The following A1CF variants were observed in gnomAD, a reference collection of about 807,000 sequenced individuals.
The protein encoded by A1CF is APOBEC1 complementation factor, also known as APOBEC-1 stimulating protein.
In A1CF, 48 loss-of-function variants were observed where a neutral mutation model predicts 68.9. That is an observed-to-expected ratio of 0.70 (90% confidence interval 0.55 to 0.89). The LOEUF (loss-of-function observed/expected upper bound fraction) is 0.89. A1CF is among the 40% of genes least tolerant of loss of function. The probability of loss-of-function intolerance (pLI) is 0.00; values close to 1 mark genes in which losing one functional copy is unlikely to be tolerated. For missense variants in A1CF, 653 were observed against 718.9 expected (o/e 0.91, Z 1.05); for synonymous variants, 272 against 260.4 (o/e 1.04, Z -0.43).
intron 6 of A1CF, chr10:50,828,607 G>T (rs551159975): frequency 4.4e-6 from 1 of 226,562 alleles, no homozygotes; most frequent in Admixed American, 5.4e-5. Flanking sequence ...TTGGGTGAAG[G>T]TAGTCACTTA....
rs114290192 is a variant in A1CF, at chr10:50,867,901, C to T, written c.-93-3821G>A. 5.5e-3 allele frequency among the ~76,000 whole-genome samples: 840 copies of T among 152,226 alleles called. 6 individuals carry two copies. The highest frequency in any genetic ancestry group is 0.019 in the African/African-American group (784 of 41,538). ...ATTCTGTTAATAGTATGTTTACTAT[C>T]TTGATTTGATTTTTCGGAAGAAATT... On this transcript the variant is annotated intron_variant, in intron 1 of 12. Coordinates refer to ENST00000373997, the MANE Select transcript of A1CF (RefSeq NM_014576.4).
chr10:50,811,257 ATTTTC>A, intron 10 of A1CF, 81 bp from the exon 11 acceptor site: 2 of 1,412,112 alleles, frequency 1.4e-6, no homozygotes, highest in Non-Finnish European at 1.9e-6. Flanking sequence ...TTAAACTCTA[ATTTTC>A]AGAGTTCAAG....
chr10:50,807,000 T>C (rs1837864166), intron 12 of A1CF, 120 bp from the exon 13 acceptor site: 1 of 1,025,816 alleles, frequency 9.7e-7, no homozygotes, highest in South Asian at 1.8e-5. Context: ...AAAGTTAATA[T>C]ATATGTTTTA....
intron 1 of A1CF, among the ~76,000 whole-genome samples, chr10:50,871,417 T>A (rs2132581692): frequency 6.6e-6 from 1 of 152,062 alleles, no homozygotes; most frequent in Admixed American, 6.5e-5. Flanking sequence ...GATGTAAAAA[T>A]ATCAGTTTTT....
chr10:50,830,734 A>G (rs1839197569), intron 6 of A1CF, among the ~76,000 whole-genome samples: 1 of 152,154 alleles, frequency 6.6e-6, no homozygotes, highest in African/African-American at 2.4e-5. Flanking sequence ...TCGAAATTCC[A>G]GTGATGTTTT....
chr10:50,865,431 C>A (rs1284756371), intron 1 of A1CF, among the ~76,000 whole-genome samples: 1 of 152,038 alleles, frequency 6.6e-6, no homozygotes, highest in Non-Finnish European at 1.5e-5. Flanking sequence ...AAAATGGTTT[C>A]TGGAATTTAA....
intron 8 of A1CF, among the ~76,000 whole-genome samples, chr10:50,817,064 A>C (rs1838407101): frequency 6.6e-6 from 1 of 152,224 alleles, no homozygotes; most frequent in South Asian, 2.1e-4. Flanking sequence ...AAATTCTGAG[A>C]CTGCAAACAG....
At chr10:50,860,399 GA>G (rs1330627671) in intron 2 of A1CF, among the ~76,000 whole-genome samples, 2 of 152,216 alleles carry the variant, frequency 1.3e-5, no homozygotes, top group African/African-American at 4.8e-5. Flanking sequence ...CTCAGAGATT[GA>G]GTTTTAGTCT....
Position 50,836,279 on chromosome 10 carries a change from C to T in A1CF, c.399G>A (p.Val133=). 1 of 1,613,872 alleles carries T rather than the reference C, an allele frequency of 6.2e-7. No homozygotes were observed. The highest frequency in any genetic ancestry group is 2.2e-5 in the East Asian group (1 of 44,840). Residue 133 remains valine, a synonymous_variant, in exon 6 of 13, where the codon GTG becomes GTA. Transcript: ENST00000373997. The part of the protein sequence containing the change: ...NGRLLGVCAS[V]DNCRLFVGGI... ...CCCCAACAAATAATCGGCAGTTGTC[C>T]ACACTGGCACAAACCCCTAAGAGGC...
intron 1 of A1CF, among the ~76,000 whole-genome samples, chr10:50,879,660 A>G (rs1017444249): frequency 6.6e-6 from 1 of 152,184 alleles, no homozygotes; most frequent in Non-Finnish European, 1.5e-5. Context: ...ACCAGGTCTC[A>G]TGAGAATTCA....
chr10:50,828,163 A>T lies in A1CF; in HGVS notation c.737T>A (p.Met246Lys). ...GATATTGTTGAATTCCTTTTCAATC[A>T]TCTCTTCAGAGGTAGACAGCATAAG... Reference protein sequence around the residue: ...RNLMLSTSEEMIEKEFNNIKP... With the variant: ...RNLMLSTSEEKIEKEFNNIKP... Residue 246 changes from methionine to lysine, a missense_variant, in exon 7 of 13, where the codon ATG becomes AAG. Met to Lys is a moderately conservative substitution (Grantham distance 95). Coordinates refer to ENST00000373997, the MANE Select transcript of A1CF (RefSeq NM_014576.4). The T allele has an allele frequency of 6.3e-7, 1 of 1,591,464 alleles. No homozygotes were observed. The highest frequency in any genetic ancestry group is 8.6e-7 in the Non-Finnish European group (1 of 1,165,052).
At position 50,800,048 on chromosome 10, in the gene A1CF, A is replaced by G. The variant is rs1162315452; in HGVS notation, c.*6681T>C. On this transcript the variant is annotated 3_prime_UTR_variant, in exon 13 of 13. Coordinates refer to ENST00000373997, the MANE Select transcript of A1CF (RefSeq NM_014576.4). ...ATAAAATTTACATTTGTAAAAAGGT[A>G]TATATACTTTATTGCAAAGAAAGGC... is the stretch of plus-strand genomic sequence containing the variant. 2 of 152,160 alleles carry G rather than the reference A, an allele frequency of 1.3e-5. No individual in the cohort carries two copies. The highest frequency in any genetic ancestry group is 3.8e-4 in the East Asian group (2 of 5,196). The allele number at this position is 152,160 out of a possible 1,614,324, so 9.4% of individuals were successfully genotyped here.
rs141679552 is a variant in A1CF, at chr10:50,804,262, G to A, written c.*2467C>T. Reference sequence around the variant, plus strand: ...TACTTTGGTATTATTGTATGTTTAGGTGTCTGCTCTTAATATTGTAAACAA... The same window carrying A: ...TACTTTGGTATTATTGTATGTTTAGATGTCTGCTCTTAATATTGTAAACAA... On this transcript the variant is annotated 3_prime_UTR_variant, in exon 13 of 13. Coordinates refer to ENST00000373997, the MANE Select transcript of A1CF (RefSeq NM_014576.4). The A allele has an allele frequency of 6.6e-6, 1 of 152,232 alleles. No homozygotes were observed. The highest frequency in any genetic ancestry group is 1.9e-4 in the East Asian group (1 of 5,190). 9.4% of individuals were successfully genotyped at this position (152,232 alleles called of 1,614,324 possible). A position where few individuals can be genotyped will look rare whatever the true frequency, so the allele number is the denominator to read the frequency against.
chr10:50,833,739 A>T (rs1263027038), intron 6 of A1CF, among the ~76,000 whole-genome samples: 1 of 152,152 alleles, frequency 6.6e-6, no homozygotes, highest in Non-Finnish European at 1.5e-5. Context: ...AGTGATCCAA[A>T]TGGGTGATAG....
At position 50,802,754 on chromosome 10, in the gene A1CF, A is replaced by T. The variant is rs1046209099; in HGVS notation, c.*3975T>A. 1.3e-5 allele frequency: 2 copies of T among 152,188 alleles called. No individual in the cohort carries two copies. The highest frequency in any genetic ancestry group is 2.9e-5 in the Non-Finnish European group (2 of 68,030). 9.4% of individuals were successfully genotyped at this position (152,188 alleles called of 1,614,324 possible). A position where few individuals can be genotyped will look rare whatever the true frequency, so the allele number is the denominator to read the frequency against. Reference sequence around the variant, plus strand: ...TAGAATGCAATGAAAATTTACCCCGAATATTAACTTGATTGCCCTTTATTC... The same window carrying T: ...TAGAATGCAATGAAAATTTACCCCGTATATTAACTTGATTGCCCTTTATTC... On this transcript the variant is annotated 3_prime_UTR_variant, in exon 13 of 13. Transcript: ENST00000373997.
At chr10:50,821,016 T>G (rs1838635501) in intron 7 of A1CF, among the ~76,000 whole-genome samples, 1 of 152,166 alleles carries the variant, frequency 6.6e-6, no homozygotes, top group South Asian at 2.1e-4. Flanking sequence ...AAACATATAT[T>G]TAGGTGATTA....
chr10:50,823,446 T>A (rs1838769467), intron 7 of A1CF: 1 of 152,126 alleles, frequency 6.6e-6, no homozygotes, highest in African/African-American at 2.4e-5. Flanking sequence ...TATTGCTGTG[T>A]TTCTTATCAA....
At chr10:50,844,708 A>G (rs149245723) in intron 3 of A1CF, among the ~76,000 whole-genome samples, 194 of 152,310 alleles carry the variant, frequency 1.3e-3, no homozygotes, top group African/African-American at 4.5e-3. Context: ...GTTGTGGAAA[A>G]AACACAGTGA....
At chr10:50,861,994 A>G (rs1468591334) in intron 2 of A1CF, among the ~76,000 whole-genome samples, 13 of 151,376 alleles carry the variant, frequency 8.6e-5, no homozygotes, top group Admixed American at 7.9e-4. Flanking sequence ...TACTATTAGT[A>G]ATAGCAATGG....
Sources: gnomAD v4.1 joint callset for allele counts (sites outside exome capture counted in the v4.1 genomes callset) on GRCh38, gnomAD v4.1.1 for gene constraint, MANE v1.5 for transcripts, NCBI Gene and HGNC (gene_info 2026-07-23, HGNC 2026-07-21) for gene names.